The following WDPCP variants were observed in gnomAD, a reference collection of about 807,000 sequenced individuals.
WDPCP encodes the protein WD repeat containing planar cell polarity effector.
A neutral mutation model predicts 93.1 loss-of-function variants in WDPCP; 71 were observed. The ratio of observed to expected loss-of-function variants is 0.76; its 90% CI spans 0.63 to 0.93. WDPCP has a LOEUF of 0.93. Ranked by LOEUF, WDPCP falls within the 40% of genes least tolerant of loss-of-function variation. The pLI, the probability that WDPCP is intolerant of heterozygous loss-of-function variation, is 0.00. For synonymous variants in WDPCP, 315 were observed against 315.0 expected, an observed-to-expected ratio of 1.00 and a Z score of 0.00; for missense variants, 844 against 887.4, an observed-to-expected ratio of 0.95 and a Z score of 0.62.
upstream of WDPCP, among the ~76,000 whole-genome samples, chr2:63,829,461 T>C (rs756420566): frequency 5.7e-4 from 87 of 152,222 alleles, no homozygotes; most frequent in African/African-American, 1.9e-3. Flanking sequence ...ACAAATTGAC[T>C]CTACATTTTG....
At chr2:63,741,984 T>C (rs1398138985) in intron 2 of WDPCP, among the ~76,000 whole-genome samples, 3 of 152,136 alleles carry the variant, frequency 2.0e-5, no homozygotes, top group African/African-American at 7.2e-5. Context: ...CTGAATGATA[T>C]GGATTAGCTG....
At chr2:63,534,416 A>T (rs56408533) in intron 1 of WDPCP, among the ~76,000 whole-genome samples, 120,512 of 150,462 alleles carry the variant, frequency 0.8, 48,889 homozygotes, top group East Asian at 0.99. Flanking sequence ...AAAAAAGAGA[A>T]TTTTAGATCA....
At position 63,573,082 on chromosome 2, in the gene WDPCP, T is replaced by TA. The variant is rs1186807246; in HGVS notation, c.75+15114dup. 5.3e-5 allele frequency among the ~76,000 whole-genome samples: 8 copies of TA among 151,772 alleles called. No individual in the cohort carries two copies. The South Asian group carries it at 8.3e-4, about 16-fold the overall frequency. On this transcript the variant is annotated intron_variant, in intron 1 of 17. Coordinates refer to ENST00000272321, the MANE Select transcript of WDPCP (RefSeq NM_015910.7). ...GGCAAAATAGCAAGACCCTGTCTCT[T>TA]AAAAAAAATAATTTTTTAATTGGCT...
chr2:63,420,361 T>TAAAAA (rs60889615), intron 9 of WDPCP, among the ~76,000 whole-genome samples: 12 of 120,532 alleles, frequency 1.0e-4, no homozygotes, highest in African/African-American at 2.7e-4. Context: ...CATCTTTACT[T>TAAAAA]AAAAAAAAAA....
At chr2:63,599,695 T>A (rs1290363994) in intron 3 of WDPCP, 1 of 152,456 alleles carries the variant, frequency 6.6e-6, no homozygotes, top group African/African-American at 2.4e-5. Flanking sequence ...GCTTCTATTT[T>A]AGCTGCAGCT....
At chr2:63,520,903 A>C (rs919237788) in intron 1 of WDPCP, among the ~76,000 whole-genome samples, 5 of 151,774 alleles carry the variant, frequency 3.3e-5, no homozygotes, top group Non-Finnish European at 5.9e-5. Flanking sequence ...TCTCAAAAAA[A>C]AAAAAAAAAA....
chr2:63,717,357 G>C (rs778521530), intron 2 of WDPCP: 3 of 477,866 alleles, frequency 6.3e-6, no homozygotes, highest in South Asian at 5.1e-5. Context: ...CCAAGGACTG[G>C]TACATGAAAT....
chr2:63,421,034 G>C (rs1695819831), intron 9 of WDPCP, among the ~76,000 whole-genome samples: 1 of 152,136 alleles, frequency 6.6e-6, no homozygotes, highest in Admixed American at 6.5e-5. Context: ...CTCCATTAAA[G>C]TTTACTGATT....
chr2:63,339,989 T>C (rs913261649), intron 12 of WDPCP, among the ~76,000 whole-genome samples: 3 of 152,234 alleles, frequency 2.0e-5, no homozygotes, highest in Admixed American at 1.3e-4. Context: ...TAATGTGATA[T>C]ACCATGTTTA....
intron 2 of WDPCP, among the ~76,000 whole-genome samples, chr2:63,659,216 G>A (rs1034646225): frequency 6.6e-6 from 1 of 152,130 alleles, no homozygotes; most frequent in African/African-American, 2.4e-5. Flanking sequence ...GTCTAACCAC[G>A]TTTAACTGGA....
At chr2:63,423,259 C>T (rs1280654434) in intron 9 of WDPCP, among the ~76,000 whole-genome samples, 1 of 152,140 alleles carries the variant, frequency 6.6e-6, no homozygotes, top group Non-Finnish European at 1.5e-5. Flanking sequence ...AGCAGAATAT[C>T]TTTGTCACTG....
intron 14 of WDPCP, among the ~76,000 whole-genome samples, chr2:63,219,578 C>T (rs1431774424): frequency 6.6e-6 from 1 of 152,126 alleles, no homozygotes; most frequent in Non-Finnish European, 1.5e-5. Flanking sequence ...AATATTTTAA[C>T]AAAATTGTTA....
intron 1 of WDPCP, among the ~76,000 whole-genome samples, chr2:63,816,817 C>G (rs1299758905): frequency 6.6e-6 from 1 of 152,066 alleles, no homozygotes; most frequent in Non-Finnish European, 1.5e-5. Flanking sequence ...CTACTGACAC[C>G]CTCAACAACA....
intron 2 of WDPCP, among the ~76,000 whole-genome samples, chr2:63,745,364 A>G (rs2103866041): frequency 6.6e-6 from 1 of 152,352 alleles, no homozygotes; most frequent in East Asian, 1.9e-4. Flanking sequence ...AAACTATTCC[A>G]CTGAATGATC....
chr2:63,301,890 A>C (rs1450612431), intron 13 of WDPCP, among the ~76,000 whole-genome samples: 1 of 151,858 alleles, frequency 6.6e-6, no homozygotes, highest in East Asian at 1.9e-4. Flanking sequence ...TTTCACCCTG[A>C]GACTTTAAAG....
intron 17 of WDPCP, among the ~76,000 whole-genome samples, chr2:63,143,768 C>T (rs1201663906): frequency 6.6e-6 from 1 of 152,190 alleles, no homozygotes. Context: ...AGATAGGGCA[C>T]CAATCTCTTC....
intron 6 of WDPCP, among the ~76,000 whole-genome samples, chr2:63,454,215 T>A (rs1196483631): frequency 6.6e-6 from 1 of 151,860 alleles, no homozygotes; most frequent in Admixed American, 6.6e-5. Context: ...GGGACATGGA[T>A]GAAGCTGGAA....
At chr2:63,839,389 C>G in the WDPCP span, among the ~76,000 whole-genome samples, 1 of 152,172 alleles carries the variant, frequency 6.6e-6, no homozygotes, top group African/African-American at 2.4e-5. Flanking sequence ...GAAACCCCGC[C>G]TCTACTAAAA....
chr2:63,542,105 G>A (rs950366691), intron 1 of WDPCP, among the ~76,000 whole-genome samples: 3 of 152,084 alleles, frequency 2.0e-5, no homozygotes, highest in South Asian at 2.1e-4. Flanking sequence ...TATCTTGGAC[G>A]GGGTTTGAAT....
Sources: gnomAD v4.1 joint callset for allele counts (sites outside exome capture counted in the v4.1 genomes callset) on GRCh38, gnomAD v4.1.1 for gene constraint, MANE v1.5 for transcripts, NCBI Gene and HGNC (gene_info 2026-07-23, HGNC 2026-07-21) for gene names.